Variants in GYG1 observed in about 807,000 individuals in gnomAD.
GYG1 encodes the protein glycogenin-1.
In GYG1, 44 loss-of-function variants were observed where a neutral mutation model predicts 41.9. That is an observed-to-expected ratio of 1.05 (90% CI 0.83 to 1.35). The LOEUF (loss-of-function observed/expected upper bound fraction) is 1.35. GYG1 is among the 40% of genes most tolerant of loss of function. GYG1 has a pLI of 0.00. For missense variants in GYG1, 429 were observed against 418.9 expected (o/e 1.02, Z -0.21); for synonymous variants, 141 against 158.1 (o/e 0.89, Z 0.81).
intron 5 of GYG1, among the ~76,000 whole-genome samples, chr3:149,010,157 C>G (rs990289569): frequency 5.3e-5 from 8 of 152,316 alleles, no homozygotes; most frequent in Admixed American, 5.2e-4. Flanking sequence ...TGCTACATGA[C>G]TTAAGACTTG....
At chr3:149,013,672 TC>T (rs749519602) in intron 5 of GYG1, among the ~76,000 whole-genome samples, 3 of 152,222 alleles carry the variant, frequency 2.0e-5, no homozygotes, top group Non-Finnish European at 4.4e-5. Flanking sequence ...TCAGACTCAT[TC>T]ACTAAGACCT....
chr3:149,002,738 T>C (rs1713163982), intron 4 of GYG1, among the ~76,000 whole-genome samples: 1 of 152,266 alleles, frequency 6.6e-6, no homozygotes, highest in African/African-American at 2.4e-5. Context: ...TAAAAAGAAG[T>C]GTCCAGGCGC....
intron 4 of GYG1, among the ~76,000 whole-genome samples, chr3:149,007,205 C>T (rs1438236736): frequency 1.3e-5 from 2 of 152,172 alleles, no homozygotes; most frequent in East Asian, 3.9e-4. Context: ...AGCACAAATC[C>T]TATGCATGAG....
intron 5 of GYG1, among the ~76,000 whole-genome samples, chr3:149,010,464 T>C (rs578209002): frequency 2.6e-5 from 4 of 151,990 alleles, no homozygotes; most frequent in Non-Finnish European, 5.9e-5. Flanking sequence ...GTAGCTGGGA[T>C]TACAGGCACG....
intron 6 of GYG1, among the ~76,000 whole-genome samples, chr3:149,025,806 T>C (rs1714619201): frequency 6.6e-6 from 1 of 152,164 alleles, no homozygotes; most frequent in Non-Finnish European, 1.5e-5. Flanking sequence ...AAGTACCTTT[T>C]ATGGCAGGTG....
intron 3 of GYG1, 117 bp downstream of exon 3, chr3:148,996,593 T>C: frequency 3.3e-6 from 4 of 1,199,242 alleles, no homozygotes; most frequent in Non-Finnish European, 4.9e-6. Flanking sequence ...AGAACCACTG[T>C]CATGAAATAT....
In GYG1 at chr3:149,000,300, G is replaced by T. The variant is rs76488148; in HGVS notation, c.481+3396G>T. ...TGAAGAGTCAAACTTCTATACTGTT[G>T]TATTTTCAAACTGTCTTGGCACTTA... On this transcript the variant is annotated intron_variant, in intron 4 of 7. Transcript: ENST00000345003. Among the ~76,000 whole-genome samples, 11,981 of 152,174 alleles carry T rather than the reference G, an allele frequency of 0.079. 624 individuals carry two copies. Among genetic ancestry groups the T allele is most frequent in the African/African-American group, 0.15 (6,145 of 41,490 alleles).
rs749909969 is a variant in GYG1, at chr3:149,024,215, T to C, written c.771T>C (p.Val257=). The C allele has an allele frequency of 6.2e-7, 1 of 1,614,010 alleles. No individual in the cohort carries two copies. Among genetic ancestry groups the C allele is most frequent in the Non-Finnish European group, 8.5e-7 (1 of 1,179,838 alleles). ...ILWWNIFTTN[V]LPLLQQFGLV... ...GGTGGAACATCTTTACCACCAACGT[T>C]TTACCTCTGCTTCAACAATTTGGCC... The change falls in exon 6 of 8, where the codon GTT becomes GTC. Residue 257 remains valine (V), a synonymous_variant. Transcript: ENST00000345003.
intron 1 of GYG1, among the ~76,000 whole-genome samples, chr3:148,991,979 C>A (rs1430384300): frequency 6.6e-6 from 1 of 152,026 alleles, no homozygotes; most frequent in Non-Finnish European, 1.5e-5. Context: ...GGGTGGGGAG[C>A]CGGTTCCCCT....
intron 4 of GYG1, among the ~76,000 whole-genome samples, chr3:149,000,557 G>A (rs1576540579): frequency 1.3e-5 from 2 of 152,186 alleles, no homozygotes; most frequent in East Asian, 3.8e-4. Flanking sequence ...CAACCTGAAT[G>A]CAAGTTGAGG....
chr3:148,997,658 C>CAAT (rs1712886989), intron 4 of GYG1, among the ~76,000 whole-genome samples: 1 of 152,072 alleles, frequency 6.6e-6, no homozygotes, highest in African/African-American at 2.4e-5. Context: ...AGGACAAAAC[C>CAAT]AATAGTTAAT....
chr3:149,010,087 T>C (rs2107903871), intron 5 of GYG1, among the ~76,000 whole-genome samples: 1 of 152,316 alleles, frequency 6.6e-6, no homozygotes, highest in Admixed American at 6.5e-5. Context: ...AGCAATATAG[T>C]GTTCAGAGTA....
chr3:148,996,421 A>T lies in GYG1; in HGVS notation c.263A>T (p.His88Leu). 1 of 1,613,982 alleles carries T rather than the reference A, an allele frequency of 6.2e-7. No homozygotes were observed. The highest frequency in any genetic ancestry group is 8.5e-7 in the Non-Finnish European group (1 of 1,179,920). The change falls in exon 3 of 8, where the codon CAC becomes CTC. Residue 88 changes from histidine (H) to leucine (L), a missense_variant. By Grantham distance (99) the His-to-Leu change is moderately conservative. Transcript: ENST00000345003. ...TTGGGTGTCACGCTGACAAAGCTCC[A>T]CTGCTGGTCGCTTACACAGTATTCA... ...PELGVTLTKL[H>L]CWSLTQYSKC...
At chr3:149,014,287 T>A (rs529344956) in intron 5 of GYG1, among the ~76,000 whole-genome samples, 2 of 152,292 alleles carry the variant, frequency 1.3e-5, no homozygotes, top group African/African-American at 4.8e-5. Context: ...CTGCTGCATA[T>A]TCTGGTGCCT....
At position 149,024,068 on chromosome 3, in the gene GYG1, C is replaced by CAA; in HGVS notation, c.626_627dup (p.Val210LysfsTer32). 2 of 1,614,010 alleles carry CAA rather than the reference C, an allele frequency of 1.2e-6. No individual in the cohort carries two copies. Among genetic ancestry groups the CAA allele is most frequent in the Non-Finnish European group, 1.7e-6 (2 of 1,179,874 alleles). On this transcript the variant is annotated frameshift_variant, in exon 6 of 8. Transcript: ENST00000345003. LOFTEE classifies it high-confidence loss of function. ...CACTTGGCAGGTTTGGTGCAAGTGC[C>CAA]AAAGTTGTGCATTTCCTGGGACGAG...
At chr3:149,018,208 ATTAC>A (rs1714178637) in intron 5 of GYG1, among the ~76,000 whole-genome samples, 1 of 152,338 alleles carries the variant, frequency 6.6e-6, no homozygotes, top group East Asian at 1.9e-4. Flanking sequence ...CATAAAAATA[ATTAC>A]TTGAAATTAA....
At chr3:149,011,986 C>G (rs1382067086) in intron 5 of GYG1, among the ~76,000 whole-genome samples, 1 of 152,098 alleles carries the variant, frequency 6.6e-6, no homozygotes, top group Non-Finnish European at 1.5e-5. Flanking sequence ...CCATTGCTGC[C>G]TATTGAGGAA....
intron 7 of GYG1, 119 bp from the exon 8 acceptor site, chr3:149,026,641 T>C: frequency 1.0e-6 from 1 of 997,506 alleles, no homozygotes; most frequent in South Asian, 1.3e-5. Flanking sequence ...TGTAATACTT[T>C]TCAGTTTTTG....
chr3:149,010,750 T>A (rs149773470), intron 5 of GYG1, among the ~76,000 whole-genome samples: 1 of 152,346 alleles, frequency 6.6e-6, no homozygotes, highest in Non-Finnish European at 1.5e-5. Flanking sequence ...GAAGATGATT[T>A]AGATTTCTTG....
Sources: allele counts gnomAD v4.1 joint callset (sites outside exome capture counted in the v4.1 genomes callset), GRCh38; gene constraint gnomAD v4.1.1; transcripts MANE v1.5; gene names NCBI Gene and HGNC (gene_info 2026-07-23, HGNC 2026-07-21).